NRXN1: variants seen among roughly 807,000 people sequenced by gnomAD.
The protein encoded by NRXN1 is neurexin 1.
In NRXN1, 39 loss-of-function variants were observed where a neutral mutation model predicts 150.9. The observed-to-expected ratio is 0.26, with a 90% CI of 0.20 to 0.34. NRXN1 has a LOEUF of 0.34. Among genes scored for constraint, NRXN1 ranks in the 10% least tolerant of loss-of-function variants. The pLI, the probability that NRXN1 is intolerant of heterozygous loss-of-function variation, is 1.00. For missense variants in NRXN1, 1,815 were observed against 1,949.9 expected (o/e 0.93, Z 1.30); for synonymous variants, 924 against 757.0 (o/e 1.22, Z -3.62).
At chr2:50,411,883 T>G (rs1190486319) in intron 17 of NRXN1, among the ~76,000 whole-genome samples, 1 of 152,048 alleles carries the variant, frequency 6.6e-6, no homozygotes, top group Non-Finnish European at 1.5e-5. Context: ...AAGGGGGAAA[T>G]GTGGGGAAAA....
chr2:50,767,623 G>C (rs1179893331), intron 5 of NRXN1, among the ~76,000 whole-genome samples: 2 of 151,978 alleles, frequency 1.3e-5, no homozygotes, highest in African/African-American at 2.4e-5. Flanking sequence ...AAGTTGACCT[G>C]GAAATCTCTG....
At chr2:50,079,457 AT>A (rs998781245) in intron 19 of NRXN1, among the ~76,000 whole-genome samples, 9 of 152,178 alleles carry the variant, frequency 5.9e-5, no homozygotes, top group African/African-American at 2.2e-4. Context: ...GATATTTAAT[AT>A]TTGGCCTTCT....
At chr2:50,749,495 G>T (rs1178688710) in intron 5 of NRXN1, among the ~76,000 whole-genome samples, 1 of 152,006 alleles carries the variant, frequency 6.6e-6, no homozygotes, top group Non-Finnish European at 1.5e-5. Context: ...CTCTACAGCT[G>T]CTGGGCCTCA....
At chr2:50,442,732 T>C (rs180872939) in intron 17 of NRXN1, among the ~76,000 whole-genome samples, 1 of 152,224 alleles carries the variant, frequency 6.6e-6, no homozygotes, top group Admixed American at 6.5e-5. Context: ...ACGAGGGATA[T>C]TAAGTGAGGA....
intron 2 of NRXN1, among the ~76,000 whole-genome samples, chr2:51,007,702 C>A (rs907397861): frequency 6.6e-6 from 1 of 151,838 alleles, no homozygotes; most frequent in African/African-American, 2.4e-5. Context: ...CTTTCTTAAA[C>A]TGAGTAAATC....
chr2:50,307,151 A>T (rs990563681), intron 17 of NRXN1, among the ~76,000 whole-genome samples: 1 of 151,832 alleles, frequency 6.6e-6, no homozygotes, highest in Non-Finnish European at 1.5e-5. Flanking sequence ...CGCCCAGCTA[A>T]TTTTTGTATT....
At chr2:51,016,200 A>T (rs760480981) in intron 2 of NRXN1, among the ~76,000 whole-genome samples, 2 of 152,180 alleles carry the variant, frequency 1.3e-5, no homozygotes, top group Non-Finnish European at 2.9e-5. Flanking sequence ...AGACATGGGC[A>T]AAGATTTCAT....
intron 21 of NRXN1, among the ~76,000 whole-genome samples, chr2:49,947,065 T>C (rs1165259081): frequency 6.6e-6 from 1 of 152,174 alleles, no homozygotes; most frequent in African/African-American, 2.4e-5. Context: ...TATTGAATTA[T>C]GTAGTCTTGC....
At chr2:50,735,935 C>T (rs1393520033) in intron 5 of NRXN1, among the ~76,000 whole-genome samples, 2 of 152,180 alleles carry the variant, frequency 1.3e-5, no homozygotes, top group African/African-American at 4.8e-5. Flanking sequence ...TTAATGGGCT[C>T]TCAGACATTC....
intron 18 of NRXN1, among the ~76,000 whole-genome samples, chr2:50,115,352 C>T (rs1031267639): frequency 4.0e-5 from 6 of 151,268 alleles, no homozygotes; most frequent in African/African-American, 1.5e-4. Context: ...TCTGGGGGTA[C>T]TCAGGAGTTT....
chr2:51,001,468 T>C (rs1027980525), intron 2 of NRXN1, among the ~76,000 whole-genome samples: 2 of 151,878 alleles, frequency 1.3e-5, no homozygotes, highest in Admixed American at 1.3e-4. Context: ...AAAAAAAAGA[T>C]CCACACATTT....
At chr2:50,942,624 A>G (rs1033347000) in intron 2 of NRXN1, among the ~76,000 whole-genome samples, 3 of 152,000 alleles carry the variant, frequency 2.0e-5, no homozygotes, top group Non-Finnish European at 4.4e-5. Flanking sequence ...TTGGTTTTAG[A>G]TTTTCATGGG....
At chr2:50,152,426 C>T (rs1323906273) in intron 18 of NRXN1, among the ~76,000 whole-genome samples, 1 of 151,676 alleles carries the variant, frequency 6.6e-6, no homozygotes, top group African/African-American at 2.4e-5. Context: ...ATACAGTAGT[C>T]CCTCCTTAAC....
At position 50,939,923 on chromosome 2, in the gene NRXN1, T is replaced by A. The variant is rs75998786; in HGVS notation, c.773-13968A>T. 5.4e-3 allele frequency among the ~76,000 whole-genome samples: 821 copies of A among 152,288 alleles called. 34 individuals are homozygous for A. The East Asian group carries it at 0.089, about 16-fold the overall frequency. The stretch of plus-strand genomic sequence containing the variant: ...GAACCACCCACTGCATTTAGAATTA[T>A]ATAGCTGTCAATTAAATTTTTAAGA... On this transcript the variant is annotated intron_variant, in intron 2 of 22. Coordinates refer to ENST00000401669, the MANE Select transcript of NRXN1 (RefSeq NM_001330078.2).
chr2:50,177,390 A>C (rs1342104988), intron 18 of NRXN1, among the ~76,000 whole-genome samples: 1 of 152,104 alleles, frequency 6.6e-6, no homozygotes, highest in African/African-American at 2.4e-5. Context: ...TTTTTCCCAA[A>C]ACAGCATAAA....
At chr2:49,924,162 C>A (rs1668691127) in intron 22 of NRXN1, among the ~76,000 whole-genome samples, 1 of 152,144 alleles carries the variant, frequency 6.6e-6, no homozygotes, top group African/African-American at 2.4e-5. Flanking sequence ...ACAGAGCATT[C>A]TTTTACTATG....
At chr2:50,749,427 C>T (rs778352473) in intron 5 of NRXN1, among the ~76,000 whole-genome samples, 39 of 152,168 alleles carry the variant, frequency 2.6e-4, no homozygotes, top group African/African-American at 7.9e-4. Context: ...TGGCATCCCA[C>T]GCCCTTTCCT....
Position 50,346,231 on chromosome 2 carries a change from C to T in NRXN1, c.3365-109261G>A, listed in dbSNP as rs1368585888. On this transcript the variant is annotated intron_variant, in intron 17 of 22. Transcript: ENST00000401669. This position sits in a 1 kb window ranked among gnomAD's most constrained non-coding sequence, Gnocchi z 5.0. Reference sequence around the variant, plus strand: ...ATGTGCGGGCTGGAATCTCTCCCTCCCCGCCCCCCGGGGCCAGGGAAGATG... The same window carrying T: ...ATGTGCGGGCTGGAATCTCTCCCTCTCCGCCCCCCGGGGCCAGGGAAGATG... Among the ~76,000 whole-genome samples, 1 of 152,168 alleles carries T rather than the reference C, an allele frequency of 6.6e-6. No homozygotes were observed. The highest frequency in any genetic ancestry group is 2.4e-5 in the African/African-American group (1 of 41,450).
chr2:50,972,099 AT>A (rs926950168), intron 2 of NRXN1, among the ~76,000 whole-genome samples: 1 of 151,912 alleles, frequency 6.6e-6, no homozygotes, highest in African/African-American at 2.4e-5. Flanking sequence ...AAAAAAAAAA[AT>A]TATTTGCTGT....
Sources: gnomAD v4.1 joint callset for allele counts (sites outside exome capture counted in the v4.1 genomes callset) on GRCh38, gnomAD v4.1.1 for gene constraint, Gnocchi (gnomAD v3.1) non-coding constraint, MANE v1.5 for transcripts, NCBI Gene and HGNC (gene_info 2026-07-23, HGNC 2026-07-21) for gene names.